Variants in WDR7 observed in about 807,000 individuals in gnomAD.
WDR7 encodes the protein WD repeat domain 7.
In WDR7, 46 loss-of-function variants were observed where a neutral mutation model predicts 169.4. That is an observed-to-expected ratio of 0.27 (90% CI 0.21 to 0.35). The LOEUF (loss-of-function observed/expected upper bound fraction) is 0.35. Ranked by LOEUF, WDR7 falls within the 10% of genes least tolerant of loss-of-function variation. The pLI is 1.00. For synonymous variants in WDR7, 612 were observed against 666.8 expected, an observed-to-expected ratio of 0.92 and a Z score of 1.27; for missense variants, 1,534 against 1,859.3, an observed-to-expected ratio of 0.83 and a Z score of 3.22.
intron 20 of WDR7, among the ~76,000 whole-genome samples, chr18:56,838,096 T>C (rs1292121599): frequency 1.3e-5 from 2 of 151,620 alleles, no homozygotes; most frequent in African/African-American, 4.9e-5. Flanking sequence ...GAAGAGTGTT[T>C]CAACAAAAGC....
At chr18:56,700,795 T>A (rs969129911) in intron 12 of WDR7, among the ~76,000 whole-genome samples, 2 of 151,734 alleles carry the variant, frequency 1.3e-5, no homozygotes, top group Non-Finnish European at 2.9e-5. Flanking sequence ...GGTCTCGATC[T>A]CCTGACCTCG....
At chr18:56,817,354 A>C (rs1446259842) in intron 20 of WDR7, among the ~76,000 whole-genome samples, 1 of 151,926 alleles carries the variant, frequency 6.6e-6, no homozygotes, top group Non-Finnish European at 1.5e-5. Flanking sequence ...AAAAAAAAAA[A>C]AAAAAGAAAA....
Position 56,894,240 on chromosome 18 carries a change from G to A in WDR7, c.3526+14075G>A, listed in dbSNP as rs145880038. On this transcript the variant is annotated intron_variant, in intron 21 of 27. Coordinates refer to ENST00000254442, the MANE Select transcript of WDR7 (RefSeq NM_015285.3). ...GTTTTTCCCTTCCAGCATAGCAGTC[G>A]TGGTAGTGATTCTTTAAGAACCTAA... 2.4e-3 allele frequency among the ~76,000 whole-genome samples: 369 copies of A among 152,044 alleles called. 2 individuals are homozygous for A. The highest frequency in any genetic ancestry group is 8.1e-3 in the African/African-American group (335 of 41,474).
chr18:57,007,752 T>A (rs1449002705), intron 26 of WDR7, among the ~76,000 whole-genome samples: 1 of 152,208 alleles, frequency 6.6e-6, no homozygotes, highest in Non-Finnish European at 1.5e-5. Context: ...ATGTGTACAA[T>A]GAGCCCAGGT....
At chr18:56,867,040 T>TATTC (rs1386217948) in intron 20 of WDR7, among the ~76,000 whole-genome samples, 6 of 151,398 alleles carry the variant, frequency 4.0e-5, no homozygotes, top group African/African-American at 1.5e-4. Flanking sequence ...TTTATTTATT[T>TATTC]TTGAGGCAGG....
chr18:56,787,321 C>T (rs898208722), intron 19 of WDR7, among the ~76,000 whole-genome samples: 1 of 152,176 alleles, frequency 6.6e-6, no homozygotes, highest in African/African-American at 2.4e-5. Flanking sequence ...TGCCTGCTCA[C>T]AGGGGCTCAT....
intron 21 of WDR7, among the ~76,000 whole-genome samples, chr18:56,894,196 G>A (rs2046301326): frequency 6.6e-6 from 1 of 151,826 alleles, no homozygotes. Flanking sequence ...GGGTTCCTGC[G>A]AAGGCTTCCT....
intron 20 of WDR7, among the ~76,000 whole-genome samples, chr18:56,877,053 C>G (rs116769615): frequency 3.3e-5 from 5 of 151,750 alleles, no homozygotes; most frequent in Non-Finnish European, 7.4e-5. Context: ...CAAAAATAAT[C>G]TGATAAAACA....
At chr18:57,017,477 C>CTGTGTGTGTGTGTGTGTGTGTG (rs57440164) in intron 26 of WDR7, among the ~76,000 whole-genome samples, 1 of 134,728 alleles carries the variant, frequency 7.4e-6, no homozygotes, top group Non-Finnish European at 1.5e-5. Context: ...CCAAGTCATG[C>CTGTGTGTGTGTGTGTGTGTGTG]TGTGTGTGTG....
rs761915134 is a variant in WDR7 at position 57,027,155 on chromosome 18, G to A, written c.4421G>A (p.Arg1474His). 8.7e-6 allele frequency: 14 copies of A among 1,613,950 alleles called. No individual in the cohort carries two copies. Among genetic ancestry groups the A allele is most frequent in the African/African-American group, 2.7e-5 (2 of 74,910 alleles). ...GCCCGGCTCATCTGGACTTCCAACC[G>A]CAACGTCATCCTCATGGCCCATGAC... ...KLARLIWTSN[R>H]NVILMAHDGK... The change falls in exon 28 of 28, where the codon CGC becomes CAC. Residue 1474 changes from arginine to histidine, a missense_variant. By Grantham distance (29) the Arg-to-His change is conservative. Transcript: ENST00000254442.
intron 25 of WDR7, among the ~76,000 whole-genome samples, chr18:56,943,967 T>A (rs2047066026): frequency 6.6e-6 from 1 of 150,848 alleles, no homozygotes; most frequent in South Asian, 2.1e-4. Flanking sequence ...TAGGGTTTTT[T>A]TGTATGTTTT....
intron 19 of WDR7, among the ~76,000 whole-genome samples, chr18:56,809,781 G>A (rs1890283782): frequency 6.6e-6 from 1 of 151,710 alleles, no homozygotes; most frequent in Non-Finnish European, 1.5e-5. Context: ...TCTATTGTAT[G>A]TTTTTTTAAC....
chr18:56,686,748 A>C, intron 6 of WDR7, 107 bp from the exon 7 acceptor site: 2 of 945,138 alleles, frequency 2.1e-6, no homozygotes, highest in South Asian at 3.0e-5. Flanking sequence ...TAAAATGATG[A>C]ACATATGAAG....
Position 57,009,841 on chromosome 18 carries a change from C to CTA in WDR7, c.4165-10901_4165-10900dup, listed in dbSNP as rs2048113590. On this transcript the variant is annotated intron_variant, in intron 26 of 27. Transcript: ENST00000254442. ...TCAGACAATTTTGTGTCACCAGGCA[C>CTA]TATACCAGGCAAAGGAGAGGTGACA... is the stretch of plus-strand genomic sequence containing the variant. 5.1e-6 allele frequency: 5 copies of CTA among 985,344 alleles called. No homozygotes were observed. In the African/African-American group the frequency reaches 8.7e-5, roughly 17 times the overall value. 61.0% of individuals were successfully genotyped at this position (985,344 alleles called of 1,614,324 possible). A position where few individuals can be genotyped will look rare whatever the true frequency, so the allele number is the denominator to read the frequency against.
At chr18:56,965,663 A>ATT (rs2047398732) in intron 26 of WDR7, among the ~76,000 whole-genome samples, 1 of 152,132 alleles carries the variant, frequency 6.6e-6, no homozygotes, top group Non-Finnish European at 1.5e-5. Flanking sequence ...CAATGTCAGA[A>ATT]TTGAGTAGTT....
At chr18:56,986,170 G>GTA (rs1392713810) in intron 26 of WDR7, among the ~76,000 whole-genome samples, 2 of 144,320 alleles carry the variant, frequency 1.4e-5, no homozygotes, top group Non-Finnish European at 3.1e-5. Flanking sequence ...GTGTGTGTGT[G>GTA]TGTGTGTGTA....
rs192075830 is a variant in WDR7 at position 56,881,929 on chromosome 18, C to T, written c.3526+1764C>T. Among the ~76,000 whole-genome samples, 48 of 152,292 alleles carry T rather than the reference C, an allele frequency of 3.2e-4. 1 individual carries two copies. Among genetic ancestry groups the T allele is most frequent in the African/African-American group, 1.1e-3 (44 of 41,572 alleles). The stretch of plus-strand genomic sequence containing the variant: ...AAACACTTTCTTTCCTGTCTTTCCC[C>T]TCATTTGATCTTCAAAATGAACTTA... On this transcript the variant is annotated intron_variant, in intron 21 of 27. Transcript: ENST00000254442.
At chr18:56,899,749 T>C (rs2046375736) in intron 21 of WDR7, among the ~76,000 whole-genome samples, 1 of 152,108 alleles carries the variant, frequency 6.6e-6, no homozygotes, top group Admixed American at 6.6e-5. Flanking sequence ...AGCCTGAAAC[T>C]AATCTTGACT....
At chr18:56,786,827 AT>A (rs2044408573) in intron 19 of WDR7, among the ~76,000 whole-genome samples, 1 of 151,914 alleles carries the variant, frequency 6.6e-6, no homozygotes, top group African/African-American at 2.4e-5. Flanking sequence ...AGTCTTTAGC[AT>A]GTTTGTTGCT....
Sources: gnomAD v4.1 joint callset for allele counts (sites outside exome capture counted in the v4.1 genomes callset) on GRCh38, gnomAD v4.1.1 for gene constraint, MANE v1.5 for transcripts, NCBI Gene and HGNC (gene_info 2026-07-23, HGNC 2026-07-21) for gene names.